Variants in PGBD5 observed in about 807,000 individuals in gnomAD.
The protein encoded by PGBD5 is piggyBac transposable element-derived protein 5.
In PGBD5, 14 loss-of-function variants were observed where a neutral mutation model predicts 47.9. The ratio of observed to expected loss-of-function variants is 0.29; its 90% CI spans 0.19 to 0.46. The LOEUF is 0.46. Ranked by LOEUF, PGBD5 falls within the 20% of genes least tolerant of loss-of-function variation. PGBD5 has a pLI of 1.00. For synonymous variants in PGBD5, 316 were observed against 306.3 expected, an observed-to-expected ratio of 1.03 and a Z score of -0.33; for missense variants, 635 against 716.0, an observed-to-expected ratio of 0.89 and a Z score of 1.29.
intron 2 of PGBD5, among the ~76,000 whole-genome samples, chr1:230,355,857 G>A (rs1455071777): frequency 6.6e-6 from 1 of 152,188 alleles, no homozygotes; most frequent in Non-Finnish European, 1.5e-5. Flanking sequence ...AGACAGTGGG[G>A]AGAACGATCC....
At chr1:230,404,683 G>A (rs1258185641) in intron 1 of PGBD5, among the ~76,000 whole-genome samples, 2 of 148,276 alleles carry the variant, frequency 1.3e-5, no homozygotes, top group East Asian at 4.0e-4. Flanking sequence ...TGTAATCCCA[G>A]CACTTTAGGA....
Position 230,316,073 on chromosome 1 carries a change from CATGTTTATGTGTATACATACAT to C in PGBD5, c.*7330_*7351del, listed in dbSNP as rs1666940778. ...ACACATATATGTATGTGTATACATA[CATGTTTATGTGTATACATACAT>C]ATGTTTATGTGTACACATATATCTA... is the stretch of plus-strand genomic sequence containing the variant. On this transcript the variant is annotated 3_prime_UTR_variant, in exon 7 of 7. Transcript: ENST00000391860. 2.2e-5 allele frequency: 2 copies of C among 89,646 alleles called. No homozygotes were observed. The highest frequency in any genetic ancestry group is 2.4e-5 in the Non-Finnish European group (1 of 40,950). 5.6% of individuals were successfully genotyped at this position (89,646 alleles called of 1,614,324 possible).
intron 1 of PGBD5, among the ~76,000 whole-genome samples, chr1:230,360,812 C>A (rs1020354341): frequency 4.6e-5 from 7 of 152,198 alleles, no homozygotes; most frequent in African/African-American, 1.7e-4. Flanking sequence ...AATCACAGGA[C>A]CATTGAACAA....
chr1:230,399,427 C>A (rs1442983062), intron 1 of PGBD5, among the ~76,000 whole-genome samples: 1 of 152,206 alleles, frequency 6.6e-6, no homozygotes, highest in Non-Finnish European at 1.5e-5. Context: ...CTGATCCCCA[C>A]AGGAGGGGGC....
At position 230,356,964 on chromosome 1, in the gene PGBD5, T is replaced by C. The variant is rs1230395379; in HGVS notation, c.689A>G (p.Tyr230Cys). The C allele has an allele frequency of 1.9e-6, 3 of 1,614,024 alleles. No individual in the cohort carries two copies. Among genetic ancestry groups the C allele is most frequent in the Non-Finnish European group, 2.5e-6 (3 of 1,180,044 alleles). Residue 230 changes from tyrosine to cysteine, a missense_variant, in exon 2 of 7, where the codon TAC becomes TGC. Physicochemically the swap from Tyr to Cys is radical, Grantham distance 194. Coordinates refer to ENST00000391860, the MANE Select transcript of PGBD5 (RefSeq NM_001258311.2). ...GGAGTCGAGGAAGGGCTGGACCTTG[T>C]AGAGCCCGTGCGTGGTCTGGCTGGA... is the stretch of plus-strand genomic sequence containing the variant. ...FRSSQTTHGLYKVQPFLDSLQ... is the reference protein window; with the variant it reads ...FRSSQTTHGLCKVQPFLDSLQ...
chr1:230,404,073 A>C (rs1470797407), intron 1 of PGBD5, among the ~76,000 whole-genome samples: 4 of 152,236 alleles, frequency 2.6e-5, no homozygotes, highest in African/African-American at 9.6e-5. Context: ...CAGAAGATCA[A>C]GACCAGGAAA....
intron 2 of PGBD5, among the ~76,000 whole-genome samples, chr1:230,355,223 G>A (rs1272782227): frequency 6.6e-6 from 1 of 152,184 alleles, no homozygotes; most frequent in Non-Finnish European, 1.5e-5. Context: ...TGCCCACCCA[G>A]CCAGGCTCAG....
At chr1:230,332,690 A>G (rs1193942663) in intron 5 of PGBD5, among the ~76,000 whole-genome samples, 154 bp downstream of exon 5, 2 of 152,120 alleles carry the variant, frequency 1.3e-5, no homozygotes, top group Non-Finnish European at 2.9e-5. Context: ...CACACTTAGG[A>G]GCGTGGCCCC....
intron 5 of PGBD5, 70 bp from the exon 6 acceptor site, chr1:230,325,485 A>C (rs941062382): frequency 1.8e-6 from 2 of 1,106,140 alleles, no homozygotes; most frequent in African/African-American, 3.1e-5. Flanking sequence ...AAATGTGCCT[A>C]TCTTCGTCCA....
rs528147122 is a variant in PGBD5, at chr1:230,373,867, G to C, written c.332-16546C>G. 1.6e-4 allele frequency among the ~76,000 whole-genome samples: 24 copies of C among 152,118 alleles called. No homozygotes were observed. In the South Asian group the frequency reaches 3.5e-3, roughly 22 times the overall value. ...CACCACCACACCCGGCTAATTTTTA[G>C]TTTAATTTTTCGTAGAGATGGTGTC... On this transcript the variant is annotated intron_variant, in intron 1 of 6. Coordinates refer to ENST00000391860, the MANE Select transcript of PGBD5 (RefSeq NM_001258311.2).
intron 5 of PGBD5, among the ~76,000 whole-genome samples, chr1:230,330,386 G>T (rs1435250976): frequency 6.6e-6 from 1 of 152,212 alleles, no homozygotes; most frequent in African/African-American, 2.4e-5. Context: ...AATGATCAAA[G>T]ATGTGCCCAA....
At chr1:230,365,931 T>C (rs1357797749) in intron 1 of PGBD5, among the ~76,000 whole-genome samples, 1 of 152,216 alleles carries the variant, frequency 6.6e-6, no homozygotes, top group Non-Finnish European at 1.5e-5. Context: ...TGGGACTCAA[T>C]GTAAACAGCA....
Position 230,314,581 on chromosome 1 carries a change from CTTTTTTTTTTTTT to C in PGBD5, c.*8831_*8843del, listed in dbSNP as rs3045440. On this transcript the variant is annotated 3_prime_UTR_variant, in exon 7 of 7. Coordinates refer to ENST00000391860, the MANE Select transcript of PGBD5 (RefSeq NM_001258311.2). ...ACATGACAAAATGCTTGAATTAAAT[CTTTTTTTTTTTTT>C]TTTTTTTTTTTGCCACATTTCACAT... The C allele has an allele frequency of 1.1e-5, 1 of 88,384 alleles. No individual in the cohort carries two copies. The highest frequency in any genetic ancestry group is 4.1e-5 in the African/African-American group (1 of 24,672). The allele number at this position is 88,384 out of a possible 1,614,324, so 5.5% of individuals were successfully genotyped here.
rs185973740 is a variant in PGBD5, at chr1:230,347,446, G to A, written c.894+3512C>T. On this transcript the variant is annotated intron_variant, in intron 3 of 6. Coordinates refer to ENST00000391860, the MANE Select transcript of PGBD5 (RefSeq NM_001258311.2). The stretch of plus-strand genomic sequence containing the variant: ...CTGCTGGCAGAATTCCCTTTTTCTC[G>A]GGGCACAGCAATCATTTTCATTTTC... 5.3e-5 allele frequency among the ~76,000 whole-genome samples: 8 copies of A among 152,036 alleles called. No homozygotes were observed. In the East Asian group the frequency reaches 9.7e-4, roughly 18 times the overall value.
chr1:230,423,067 C>T (rs942200728), intron 1 of PGBD5, among the ~76,000 whole-genome samples: 3 of 151,850 alleles, frequency 2.0e-5, no homozygotes, highest in Non-Finnish European at 4.4e-5. Flanking sequence ...TACACATTTG[C>T]ATACAATACC....
At chr1:230,382,417 C>T (rs989081730) in intron 1 of PGBD5, among the ~76,000 whole-genome samples, 9 of 152,204 alleles carry the variant, frequency 5.9e-5, no homozygotes, top group Non-Finnish European at 1.2e-4. Flanking sequence ...AGGCCTGTAG[C>T]GGCCAACTGT....
At chr1:230,338,608 G>A (rs893146252) in intron 3 of PGBD5, among the ~76,000 whole-genome samples, 3 of 152,172 alleles carry the variant, frequency 2.0e-5, no homozygotes, top group Non-Finnish European at 2.9e-5. Flanking sequence ...AGACCAGCCT[G>A]ACCAACATGG....
intron 1 of PGBD5, among the ~76,000 whole-genome samples, chr1:230,404,629 A>AT (rs1353990800): frequency 0.075 from 7,978 of 106,688 alleles, 305 homozygotes; most frequent in East Asian, 0.19. Flanking sequence ...AAAAAAAAAA[A>AT]ATATATATAT....
intron 1 of PGBD5, among the ~76,000 whole-genome samples, chr1:230,408,923 C>A (rs571033777): frequency 6.6e-6 from 1 of 151,918 alleles, no homozygotes; most frequent in African/African-American, 2.4e-5. Flanking sequence ...AGACAACCCA[C>A]TAAATGGAAG....
Sources: gnomAD v4.1 joint callset for allele counts (sites outside exome capture counted in the v4.1 genomes callset) on GRCh38, gnomAD v4.1.1 for gene constraint, MANE v1.5 for transcripts, NCBI Gene and HGNC (gene_info 2026-07-23, HGNC 2026-07-21) for gene names.